The following ADGRL3 variants were observed in gnomAD, a reference collection of about 807,000 sequenced individuals.
ADGRL3 encodes adhesion G protein-coupled receptor L3.
Under a neutral mutation model 153.5 loss-of-function variants are expected in ADGRL3, and 62 were observed. The ratio of observed to expected loss-of-function variants is 0.40; its 90% CI spans 0.33 to 0.50. ADGRL3 has a LOEUF of 0.50. ADGRL3 is among the 20% of genes least tolerant of loss of function. ADGRL3 has a pLI of 0.47. For synonymous variants in ADGRL3, 710 were observed against 672.5 expected, an observed-to-expected ratio of 1.06 and a Z score of -0.86; for missense variants, 1,641 against 1,859.4, an observed-to-expected ratio of 0.88 and a Z score of 2.16.
At chr4:61,236,074 A>G (rs1019568268) in intron 1 of ADGRL3, among the ~76,000 whole-genome samples, 1 of 123,296 alleles carries the variant, frequency 8.1e-6, no homozygotes, top group Non-Finnish European at 1.6e-5. Context: ...CAGTGGCTCT[A>G]TCTCAGCTCA....
intron 3 of ADGRL3, among the ~76,000 whole-genome samples, chr4:61,500,058 A>AGG (rs1340384828): frequency 6.6e-6 from 1 of 150,496 alleles, no homozygotes; most frequent in African/African-American, 2.5e-5. Flanking sequence ...AGAGAGAGAG[A>AGG]GAGAGAATAT....
At chr4:61,225,288 G>T (rs960443457) in intron 1 of ADGRL3, among the ~76,000 whole-genome samples, 1 of 152,160 alleles carries the variant, frequency 6.6e-6, no homozygotes, top group South Asian at 2.1e-4. Context: ...GGATGGTACT[G>T]TGGGCTCACT....
At chr4:61,346,231 A>G (rs2151226935) in intron 1 of ADGRL3, among the ~76,000 whole-genome samples, 1 of 151,600 alleles carries the variant, frequency 6.6e-6, no homozygotes, top group East Asian at 2.0e-4. Flanking sequence ...TAACACGGTA[A>G]CATATTGAGT....
intron 6 of ADGRL3, among the ~76,000 whole-genome samples, chr4:61,696,966 T>C (rs967625698): frequency 6.6e-6 from 1 of 152,070 alleles, no homozygotes; most frequent in Non-Finnish European, 1.5e-5. Context: ...TGTGAGCCAC[T>C]GTGCCCAGCC....
intron 5 of ADGRL3, among the ~76,000 whole-genome samples, chr4:61,593,298 C>A (rs1317106743): frequency 1.3e-5 from 2 of 152,110 alleles, no homozygotes. Context: ...ATCATAATTA[C>A]AGTGTTATAC....
chr4:61,805,012 G>A (rs1054115042), intron 8 of ADGRL3, among the ~76,000 whole-genome samples: 2 of 150,444 alleles, frequency 1.3e-5, no homozygotes, highest in Non-Finnish European at 2.9e-5. Context: ...CTGGAGTGCA[G>A]TGGGGCGATC....
chr4:61,747,977 A>G (rs1580600880), intron 8 of ADGRL3, among the ~76,000 whole-genome samples: 2 of 152,116 alleles, frequency 1.3e-5, no homozygotes, highest in African/African-American at 4.8e-5. Context: ...TCAGCCCAAA[A>G]TCTCCTTAAG....
chr4:61,211,856 A>C (rs1740178076), intron 1 of ADGRL3: 1 of 152,250 alleles, frequency 6.6e-6, no homozygotes, highest in Non-Finnish European at 1.5e-5. Context: ...ACAGTGGTAG[A>C]GCCACTGTAC....
intron 9 of ADGRL3, among the ~76,000 whole-genome samples, chr4:61,850,673 A>T (rs186998225): frequency 2.0e-3 from 304 of 152,314 alleles, no homozygotes; most frequent in Middle Eastern, 0.014. Flanking sequence ...AGCATTGTAA[A>T]CTTAAAATTG....
At chr4:61,847,931 T>C (rs183668355) in intron 9 of ADGRL3, among the ~76,000 whole-genome samples, 12 of 19,286 alleles carry the variant, frequency 6.2e-4, no homozygotes, top group African/African-American at 1.6e-3. Flanking sequence ...ATATATAATA[T>C]AAAATATATT....
At chr4:61,291,175 T>TAC (rs68037459) in intron 1 of ADGRL3, among the ~76,000 whole-genome samples, 1,448 of 135,458 alleles carry the variant, frequency 0.011, 43 homozygotes, top group African/African-American at 0.039. Flanking sequence ...CCTGGATCAA[T>TAC]ACACACACAC....
Position 61,802,802 on chromosome 4 carries a change from T to G in ADGRL3, c.1400-11007T>G, listed in dbSNP as rs146554090. ...TGACACAATAAAAAAAACTTCTAAA[T>G]CTACTCTAGTAGAGGTGTTTTGTTT... is the stretch of plus-strand genomic sequence containing the variant. On this transcript the variant is annotated intron_variant, in intron 8 of 26. Transcript: ENST00000683033. Among the ~76,000 whole-genome samples, 681 of 152,244 alleles carry G rather than the reference T, an allele frequency of 4.5e-3. 5 individuals carry two copies. Among genetic ancestry groups the G allele is most frequent in the African/African-American group, 0.012 (509 of 41,560 alleles).
At position 62,075,770 on chromosome 4, in the gene ADGRL3, C is replaced by T. The variant is rs960911850; in HGVS notation, c.*4862C>T. On this transcript the variant is annotated 3_prime_UTR_variant, in exon 27 of 27. Transcript: ENST00000683033. ...GTGCGAATGGATTTTACATAAGAAGCTTTTCTGAGCTCATAAAATATATTC... is the reference window on the plus strand; with the variant it reads ...GTGCGAATGGATTTTACATAAGAAGTTTTTCTGAGCTCATAAAATATATTC... 6.6e-6 allele frequency: 1 copy of T among 151,922 alleles called. No individual in the cohort carries two copies. Among genetic ancestry groups the T allele is most frequent in the African/African-American group, 2.4e-5 (1 of 41,426 alleles). 9.4% of individuals were successfully genotyped at this position (151,922 alleles called of 1,614,324 possible).
chr4:61,443,806 G>C (rs1352914019), intron 2 of ADGRL3, among the ~76,000 whole-genome samples: 1 of 150,170 alleles, frequency 6.7e-6, no homozygotes, highest in Non-Finnish European at 1.5e-5. Context: ...TGTTAGATGA[G>C]AGCAATGGTG....
chr4:61,805,019 G>C, intron 8 of ADGRL3, among the ~76,000 whole-genome samples: 1 of 150,690 alleles, frequency 6.6e-6, no homozygotes, highest in Non-Finnish European at 1.5e-5. Context: ...GCAGTGGGGC[G>C]ATCTCGGCTC....
chr4:61,807,619 A>G (rs894888686), intron 8 of ADGRL3, among the ~76,000 whole-genome samples: 6 of 152,128 alleles, frequency 3.9e-5, no homozygotes. Flanking sequence ...CATCTCTTTC[A>G]GATTAGTTGA....
At chr4:61,660,577 T>A (rs888023391) in intron 5 of ADGRL3, among the ~76,000 whole-genome samples, 3 of 152,158 alleles carry the variant, frequency 2.0e-5, no homozygotes, top group Non-Finnish European at 4.4e-5. Context: ...AGGCCAATTC[T>A]CCCTAACTAA....
intron 1 of ADGRL3, among the ~76,000 whole-genome samples, chr4:61,365,546 A>C (rs1033357092): frequency 3.3e-5 from 5 of 152,258 alleles, no homozygotes; most frequent in African/African-American, 7.2e-5. Context: ...AGTTTGCAGC[A>C]GTGCTGCTGG....
chr4:61,650,349 A>G (rs1393174880), intron 5 of ADGRL3, among the ~76,000 whole-genome samples: 2 of 152,138 alleles, frequency 1.3e-5, no homozygotes, highest in Non-Finnish European at 2.9e-5. Flanking sequence ...TAAAAGAAAT[A>G]CATCCTAAGT....
Sources: allele counts gnomAD v4.1 joint callset (sites outside exome capture counted in the v4.1 genomes callset), GRCh38; gene constraint gnomAD v4.1.1; transcripts MANE v1.5; gene names NCBI Gene and HGNC (gene_info 2026-07-23, HGNC 2026-07-21).